Variants in MARCHF6 observed in about 807,000 individuals in gnomAD.
MARCHF6 encodes the protein E3 ubiquitin-protein ligase MARCHF6.
A neutral mutation model predicts 133.7 loss-of-function variants in MARCHF6; 31 were observed. The observed-to-expected ratio is 0.23, with a 90% CI of 0.17 to 0.31. The LOEUF (loss-of-function observed/expected upper bound fraction) is 0.31. Among genes scored for constraint, MARCHF6 ranks in the 10% least tolerant of loss-of-function variants. The probability of loss-of-function intolerance (pLI) is 1.00; values close to 1 mark genes in which losing one functional copy is unlikely to be tolerated. For missense variants in MARCHF6, 723 were observed against 1,121.6 expected (o/e 0.64, Z 5.08); for synonymous variants, 395 against 402.5 (o/e 0.98, Z 0.22).
At position 10,435,658 on chromosome 5, in the gene MARCHF6, T is replaced by C. The variant is rs532828356; in HGVS notation, c.*1974T>C. ...ATATAACTATATATATATATATATA[T>C]ATATATATATATATATATATATATA... On this transcript the variant is annotated 3_prime_UTR_variant, in exon 26 of 26. Transcript: ENST00000274140. 4.1e-4 allele frequency: 2 copies of C among 4,862 alleles called. No homozygotes were observed. Among genetic ancestry groups the C allele is most frequent in the Non-Finnish European group, 7.3e-4 (2 of 2,728 alleles). 0.3% of individuals were successfully genotyped at this position (4,862 alleles called of 1,614,324 possible). A position where few individuals can be genotyped will look rare whatever the true frequency, so the allele number is the denominator to read the frequency against.
Position 10,437,551 on chromosome 5 carries a change from CAA to C in MARCHF6, c.*3868_*3869del, listed in dbSNP as rs1740700671. ...CTTTGGCATTAATACGACATAAAGA[CAA>C]GACAGTATATGTATGTTTTCATTCC... On this transcript the variant is annotated 3_prime_UTR_variant, in exon 26 of 26. Coordinates refer to ENST00000274140, the MANE Select transcript of MARCHF6 (RefSeq NM_005885.4). 1.3e-5 allele frequency: 2 copies of C among 152,172 alleles called. No homozygotes were observed. Among genetic ancestry groups the C allele is most frequent in the African/African-American group, 4.8e-5 (2 of 41,436 alleles). The allele number at this position is 152,172 out of a possible 1,614,324, so 9.4% of individuals were successfully genotyped here.
At chr5:10,426,807 T>G (rs1188842081) in intron 24 of MARCHF6, among the ~76,000 whole-genome samples, 1 of 152,212 alleles carries the variant, frequency 6.6e-6, no homozygotes, top group African/African-American at 2.4e-5. Flanking sequence ...TCAGGTTGTC[T>G]TCTTCTGACT....
chr5:10,391,655 A>AGAG lies in MARCHF6; in HGVS notation c.702_704dup (p.Glu234dup), dbSNP rs758962731. 12 of 1,610,622 alleles carry AGAG rather than the reference A, an allele frequency of 7.5e-6. No individual in the cohort carries two copies. Among genetic ancestry groups the AGAG allele is most frequent in the East Asian group, 2.2e-5 (1 of 44,614 alleles). On this transcript the variant is annotated inframe_insertion, in exon 7 of 26. Transcript: ENST00000274140. ...CTGATGCCCAGGATGACCAGGCAGA[A>AGAG]GAGGAGGAGGAGGACAATGAGGAGG...
chr5:10,427,779 C>T (rs1277235520), intron 24 of MARCHF6, among the ~76,000 whole-genome samples: 2 of 152,122 alleles, frequency 1.3e-5, no homozygotes, highest in Non-Finnish European at 2.9e-5. Context: ...CTAATAGTCT[C>T]ATTGCTTCTT....
chr5:10,379,542 G>A (rs1180622559), intron 3 of MARCHF6, among the ~76,000 whole-genome samples: 1 of 151,700 alleles, frequency 6.6e-6, no homozygotes, highest in Non-Finnish European at 1.5e-5. Context: ...CTCACTGCAA[G>A]CTCCGCCTCC....
Position 10,417,409 on chromosome 5 carries a change from A to G in MARCHF6, c.2283+5A>G, listed in dbSNP as rs1239486821. ...CCTCTTTTTTATCCATGGCAGGTAA[A>G]TGTATGTCTTTTGCTCATGTTATTT... On this transcript the variant is annotated splice_donor_5th_base_variant and intron_variant, in intron 22 of 25. Transcript: ENST00000274140. 1.9e-5 allele frequency: 30 copies of G among 1,613,258 alleles called. No individual in the cohort carries two copies. The East Asian group carries it at 6.2e-4, about 34-fold the overall frequency.
rs549740802 is a variant in MARCHF6 at position 10,378,941 on chromosome 5, C to G, written c.190+109C>G. 3.1e-5 allele frequency: 18 copies of G among 579,572 alleles called. No individual in the cohort carries two copies. In the East Asian group the frequency reaches 5.2e-4, roughly 17 times the overall value. The allele number at this position is 579,572 out of a possible 1,614,324, so 35.9% of individuals were successfully genotyped here. On this transcript the variant is annotated intron_variant, in intron 3 of 25. Transcript: ENST00000274140. ...GAAGGGGGATAAAAGTGCTTAAGCA[C>G]TTTAAAGCAATTATTTTCAGCTTGA...
chr5:10,388,518 T>A (rs1399765336), intron 5 of MARCHF6, among the ~76,000 whole-genome samples: 1 of 152,204 alleles, frequency 6.6e-6, no homozygotes, highest in Non-Finnish European at 1.5e-5. Context: ...AGCTACCATT[T>A]TATTTGCTTA....
At chr5:10,383,082 C>T (rs1361179688) in intron 4 of MARCHF6, among the ~76,000 whole-genome samples, 5 of 152,096 alleles carry the variant, frequency 3.3e-5, no homozygotes, top group African/African-American at 1.2e-4. Context: ...TAATTGATAT[C>T]TTCATGTCTC....
Position 10,439,024 on chromosome 5 carries a change from T to TTTG in MARCHF6, c.*5343_*5345dup, listed in dbSNP as rs1324176875. 2 of 152,224 alleles carry TTTG rather than the reference T, an allele frequency of 1.3e-5. No individual in the cohort carries two copies. Among genetic ancestry groups the TTTG allele is most frequent in the African/African-American group, 4.8e-5 (2 of 41,456 alleles). The allele number at this position is 152,224 out of a possible 1,614,324, so 9.4% of individuals were successfully genotyped here. A position where few individuals can be genotyped will look rare whatever the true frequency, so the allele number is the denominator to read the frequency against. Reference sequence around the variant, plus strand: ...GCCGGAGTTTTTCTGCTTCTCTGTGTTTGTTCAGTAACTCTTCTTTAGGAT... The same window carrying TTTG: ...GCCGGAGTTTTTCTGCTTCTCTGTGTTTGTTGTTCAGTAACTCTTCTTTAGGAT... On this transcript the variant is annotated 3_prime_UTR_variant, in exon 26 of 26. Coordinates refer to ENST00000274140, the MANE Select transcript of MARCHF6 (RefSeq NM_005885.4).
At chr5:10,393,205 A>C (rs1380411233) in intron 7 of MARCHF6, among the ~76,000 whole-genome samples, 1 of 152,062 alleles carries the variant, frequency 6.6e-6, no homozygotes, top group East Asian at 1.9e-4. Flanking sequence ...AGCTGGGACC[A>C]CAGATGTGTG....
chr5:10,426,222 C>T (rs1000217017), intron 23 of MARCHF6, among the ~76,000 whole-genome samples, 168 bp from the exon 24 acceptor site: 1 of 152,146 alleles, frequency 6.6e-6, no homozygotes, highest in African/African-American at 2.4e-5. Context: ...TTCAGAAACT[C>T]GTGGGCACTA....
rs1172909747 is a variant in MARCHF6, at chr5:10,434,977, A to C, written c.*1293A>C. 1.3e-5 allele frequency: 2 copies of C among 152,664 alleles called. No homozygotes were observed. The highest frequency in any genetic ancestry group is 4.8e-5 in the African/African-American group (2 of 41,456). 9.5% of individuals were successfully genotyped at this position (152,664 alleles called of 1,614,324 possible). On this transcript the variant is annotated 3_prime_UTR_variant, in exon 26 of 26. Transcript: ENST00000274140. ...AACCAAAGCTTCAGGTTAGAAGTTT[A>C]GAAAAATAGAATGGTTGGGTACATG...
chr5:10,419,997 G>C (rs1452575428), intron 22 of MARCHF6, among the ~76,000 whole-genome samples: 2 of 152,174 alleles, frequency 1.3e-5, no homozygotes, highest in Admixed American at 6.5e-5. Context: ...GAGGGGTCAG[G>C]CTGATAATAC....
At chr5:10,414,219 T>G (rs879704349) in intron 19 of MARCHF6, among the ~76,000 whole-genome samples, 1 of 152,250 alleles carries the variant, frequency 6.6e-6, no homozygotes, top group African/African-American at 2.4e-5. Context: ...ACTTGTGGGA[T>G]GTATCTGATT....
At chr5:10,386,666 T>TA (rs1737500310) in intron 4 of MARCHF6, among the ~76,000 whole-genome samples, 1 of 152,196 alleles carries the variant, frequency 6.6e-6, no homozygotes, top group Non-Finnish European at 1.5e-5. Context: ...TTCTAGAATT[T>TA]AAAAAATTCT....
At chr5:10,406,984 G>A (rs1738937349) in intron 16 of MARCHF6, 118 bp from the exon 17 acceptor site, 2 of 518,570 alleles carry the variant, frequency 3.9e-6, no homozygotes, top group East Asian at 6.0e-5. Flanking sequence ...GAACCGCTTG[G>A]GCTTTGAGTA....
chr5:10,413,627 C>T (rs1739349248), intron 19 of MARCHF6, among the ~76,000 whole-genome samples: 1 of 152,230 alleles, frequency 6.6e-6, no homozygotes, highest in Non-Finnish European at 1.5e-5. Flanking sequence ...TCATAGCATT[C>T]ACATGGCTGG....
At chr5:10,384,779 A>C (rs1213680905) in intron 4 of MARCHF6, among the ~76,000 whole-genome samples, 1 of 152,230 alleles carries the variant, frequency 6.6e-6, no homozygotes, top group Non-Finnish European at 1.5e-5. Flanking sequence ...ACCACTTTAG[A>C]AAACTGGCAG....
Sources: allele counts gnomAD v4.1 joint callset (sites outside exome capture counted in the v4.1 genomes callset), GRCh38; gene constraint gnomAD v4.1.1; transcripts MANE v1.5; gene names NCBI Gene and HGNC (gene_info 2026-07-23, HGNC 2026-07-21).